ADAP1: variants seen among roughly 807,000 people sequenced by gnomAD.
The protein encoded by ADAP1 is ArfGAP with dual PH domains 1.
Under a neutral mutation model 54.9 loss-of-function variants are expected in ADAP1, and 31 were observed. That is an observed-to-expected ratio of 0.56 (90% confidence interval 0.42 to 0.76). ADAP1 has a LOEUF of 0.76. ADAP1 is among the 30% of genes least tolerant of loss of function. ADAP1 has a pLI of 0.00. For missense variants in ADAP1, 535 were observed against 512.4 expected (o/e 1.04, Z -0.42); for synonymous variants, 313 against 202.6 (o/e 1.55, Z -4.63).
intron 6 of ADAP1, among the ~76,000 whole-genome samples, chr7:901,794 G>A (rs1295782318): frequency 4.5e-4 from 5 of 11,086 alleles, no homozygotes; most frequent in African/African-American, 2.0e-3. Flanking sequence ...GGCCCGCCCC[G>A]TCCCATTTGG....
intron 1 of ADAP1, among the ~76,000 whole-genome samples, chr7:943,751 A>G (rs1197848267): frequency 3.9e-5 from 1 of 25,624 alleles, no homozygotes; most frequent in Non-Finnish European, 6.6e-5. Context: ...GAGAGGAGGA[A>G]GGGAGAGAGG....
At position 898,849 on chromosome 7, in the gene ADAP1, G is replaced by T; in HGVS notation, c.*72C>A. On this transcript the variant is annotated 3_prime_UTR_variant, in exon 11 of 11. Coordinates refer to ENST00000265846, the MANE Select transcript of ADAP1 (RefSeq NM_006869.4). ...GGCCAGGTGGCCTCAGGACGCCAGA[G>T]CCCCCCCATCCACGGGTCCCCTCCG... 11 of 1,546,852 alleles carry T rather than the reference G, an allele frequency of 7.1e-6. No individual in the cohort carries two copies. Among genetic ancestry groups the T allele is most frequent in the Non-Finnish European group, 9.6e-6 (11 of 1,147,450 alleles).
chr7:924,998 G>A (rs1846333958), intron 3 of ADAP1, among the ~76,000 whole-genome samples: 1 of 152,016 alleles, frequency 6.6e-6, no homozygotes, highest in Admixed American at 6.6e-5. Context: ...CAGGGCGCCA[G>A]GCCTGCCCGG....
chr7:905,660 GGAGAAAGGAGAAA>G, intron 4 of ADAP1: 2 of 203,576 alleles, frequency 9.8e-6, no homozygotes, highest in Admixed American at 5.8e-5. Context: ...AAAGGAGAAA[GGAGAAAGGAGAAA>G]GGGAAAGGAG....
At chr7:931,405 A>G (rs1205883966) in intron 2 of ADAP1, among the ~76,000 whole-genome samples, 2 of 152,206 alleles carry the variant, frequency 1.3e-5, no homozygotes, top group African/African-American at 2.4e-5. Context: ...CTTGAAAGGA[A>G]CGAAGCTGTC....
rs1845114253 is a variant in ADAP1, at chr7:905,400, GAAAGGAGAAAGGGAGAAAGAGA to G, written c.389-250_389-229del. The G allele has an allele frequency of 1.3e-5, 3 of 232,574 alleles. 1 individual carries two copies. Among genetic ancestry groups the G allele is most frequent in the Non-Finnish European group, 2.2e-5 (3 of 139,268 alleles). The allele number at this position is 232,574 out of a possible 1,614,324, so 14.4% of individuals were successfully genotyped here. A position where few individuals can be genotyped will look rare whatever the true frequency, so the allele number is the denominator to read the frequency against. ...AGGAGAAAGGAGAAAGGAGAAAGGA[GAAAGGAGAAAGGGAGAAAGAGA>G]AAGGAGAAAGGAGAAAGGGAGAAAG... On this transcript the variant is annotated intron_variant, in intron 4 of 10. Transcript: ENST00000265846.
chr7:936,326 G>A (rs1258482739), intron 1 of ADAP1, among the ~76,000 whole-genome samples: 1 of 152,090 alleles, frequency 6.6e-6, no homozygotes, highest in East Asian at 1.9e-4. Context: ...TTAGCCTCCC[G>A]AGTAGCGAGG....
At chr7:905,872 AGGG>A (rs1845243912) in intron 4 of ADAP1, among the ~76,000 whole-genome samples, 1 of 55,070 alleles carries the variant, frequency 1.8e-5, no homozygotes, top group African/African-American at 5.1e-5. Flanking sequence ...AGAAGGGAGA[AGGG>A]AGAAAGGAGA....
intron 2 of ADAP1, among the ~76,000 whole-genome samples, chr7:930,674 C>T (rs550863307): frequency 1.3e-5 from 2 of 151,976 alleles, no homozygotes; most frequent in Non-Finnish European, 2.9e-5. Flanking sequence ...CAAAAATTAG[C>T]TGGGCATGGT....
At position 899,215 on chromosome 7, in the gene ADAP1, C is replaced by T; in HGVS notation, c.914G>A (p.Gly305Asp). The T allele has an allele frequency of 6.2e-7, 1 of 1,612,784 alleles. No homozygotes were observed. The highest frequency in any genetic ancestry group is 8.5e-7 in the Non-Finnish European group (1 of 1,179,976). Residue 305 changes from glycine (G) to aspartate (D), a missense_variant, in exon 10 of 11, where the codon GGC (glycine) becomes GAC (aspartate). Physicochemically the swap from Gly to Asp is moderately conservative, Grantham distance 94 (BLOSUM62 -1). Coordinates refer to ENST00000265846, the MANE Select transcript of ADAP1 (RefSeq NM_006869.4). ...GEVFIGSKESGYTVLHGFPPS... is the reference protein window; with the variant it reads ...GEVFIGSKESDYTVLHGFPPS... ...CGGGAACCCATGCAGCACCGTGTAG[C>T]CACTCTCCTTGCTGCCAATGAAGAC...
At chr7:905,724 G>GAGA (rs1845208336) in intron 4 of ADAP1, 1 of 4,212 alleles carries the variant, frequency 2.4e-4, no homozygotes, top group African/African-American at 1.7e-3. Flanking sequence ...AGGAGAAAGG[G>GAGA]AAAGGAGAAA....
chr7:954,359 ACCCACCCGGCCCCGCG>A (rs1847337457), intron 1 of ADAP1, 21 bp downstream of exon 1: 16 of 413,270 alleles, frequency 3.9e-5, no homozygotes, highest in South Asian at 7.4e-5. Flanking sequence ...CCCACCCCGG[ACCCACCCGGCCCCGCG>A]CCCACCCGGC....
In ADAP1 at chr7:899,124, C is replaced by A; in HGVS notation, c.1005G>T (p.Leu335=). 6.2e-7 allele frequency: 1 copy of A among 1,609,646 alleles called. No homozygotes were observed. The highest frequency in any genetic ancestry group is 1.1e-5 in the South Asian group (1 of 91,090). The part of the protein sequence containing the change: ...ITIVTPDRKF[L]FACETESDQR... The stretch of plus-strand genomic sequence containing the variant: ...GGTCGGACTCCGTCTCGCAGGCAAA[C>A]AGAAACTTGCGGTCGGGCGTGACGA... Residue 335 remains leucine, a synonymous_variant, in exon 10 of 11, where the codon CTG becomes CTT. Coordinates refer to ENST00000265846, the MANE Select transcript of ADAP1 (RefSeq NM_006869.4).
chr7:920,730 A>G lies in ADAP1; in HGVS notation c.306-680T>C. On this transcript the variant is annotated intron_variant, in intron 3 of 10. Transcript: ENST00000265846. This position sits in a 1 kb window ranked among gnomAD's most constrained non-coding sequence, Gnocchi z 4.5. ...GCCCCCCACGGCACCCACTGAGCCCAGACATCCCTGCCCAGAGCCACCCAC... is the reference window on the plus strand; with the variant it reads ...GCCCCCCACGGCACCCACTGAGCCCGGACATCCCTGCCCAGAGCCACCCAC... The G allele has an allele frequency of 2.0e-6, 3 of 1,481,306 alleles. No homozygotes were observed. The highest frequency in any genetic ancestry group is 2.7e-6 in the Non-Finnish European group (3 of 1,093,012). The allele number at this position is 1,481,306 out of a possible 1,614,324, so 91.8% of individuals were successfully genotyped here.
intron 4 of ADAP1, among the ~76,000 whole-genome samples, chr7:909,583 C>T (rs1421146617): frequency 2.0e-5 from 3 of 152,214 alleles, no homozygotes; most frequent in Non-Finnish European, 2.9e-5. Context: ...CTGGCCAGCC[C>T]CTTGGCCTCG....
chr7:925,073 G>A (rs1846336203), intron 3 of ADAP1, among the ~76,000 whole-genome samples: 1 of 152,004 alleles, frequency 6.6e-6, no homozygotes, highest in Admixed American at 6.6e-5. Context: ...GTGGCGATGT[G>A]GGGATTGCAG....
At chr7:905,028 A>C in intron 5 of ADAP1, 32 bp downstream of exon 5, 2 of 1,585,086 alleles carry the variant, frequency 1.3e-6, no homozygotes, top group Non-Finnish European at 1.7e-6. Flanking sequence ...GCCCTGGGAC[A>C]GGCCCCCACC....
At chr7:916,069 C>T (rs949128301) in intron 4 of ADAP1, among the ~76,000 whole-genome samples, 4 of 152,226 alleles carry the variant, frequency 2.6e-5, no homozygotes, top group Non-Finnish European at 2.9e-5. Context: ...GAGGCGGGCA[C>T]GCCACCTAGG....
At chr7:935,020 T>A in intron 2 of ADAP1, 2 of 398,854 alleles carry the variant, frequency 5.0e-6, no homozygotes, top group Non-Finnish European at 1.0e-5. Context: ...TTCTGTTTCC[T>A]TAGAGACAGG....
Sources: gnomAD v4.1 joint callset for allele counts (sites outside exome capture counted in the v4.1 genomes callset) on GRCh38, gnomAD v4.1.1 for gene constraint, Gnocchi (gnomAD v3.1) non-coding constraint, MANE v1.5 for transcripts, NCBI Gene and HGNC (gene_info 2026-07-23, HGNC 2026-07-21) for gene names.